Variants in TRA2A observed in about 807,000 individuals in gnomAD.
The protein encoded by TRA2A is transformer-2 protein homolog alpha.
In TRA2A, 31 loss-of-function variants were observed where a neutral mutation model predicts 45.7. The ratio of observed to expected loss-of-function variants is 0.68; its 90% CI spans 0.51 to 0.92. The LOEUF (loss-of-function observed/expected upper bound fraction) is 0.92. TRA2A is among the 40% of genes least tolerant of loss of function. The pLI is 0.00. For synonymous variants in TRA2A, 132 were observed against 126.2 expected, an observed-to-expected ratio of 1.05 and a Z score of -0.31; for missense variants, 304 against 367.5, an observed-to-expected ratio of 0.83 and a Z score of 1.41.
intron 1 of TRA2A, among the ~76,000 whole-genome samples, chr7:23,527,779 A>G (rs1289758851): frequency 3.3e-5 from 5 of 152,198 alleles, no homozygotes; most frequent in African/African-American, 1.2e-4. Context: ...ACAGATCTGT[A>G]AAATTAGTTA....
chr7:23,516,786 A>C (rs368299372), intron 2 of TRA2A, among the ~76,000 whole-genome samples: 7 of 152,142 alleles, frequency 4.6e-5, no homozygotes, highest in Admixed American at 1.3e-4. Flanking sequence ...ACAAAAAAAA[A>C]ACAAAAAACA....
intron 4 of TRA2A, among the ~76,000 whole-genome samples, chr7:23,510,796 A>G (rs1157258102): frequency 6.6e-6 from 1 of 152,216 alleles, no homozygotes; most frequent in Non-Finnish European, 1.5e-5. Flanking sequence ...GATAACATGT[A>G]TCTCTTAATT....
chr7:23,510,521 T>C (rs1789551050), intron 4 of TRA2A, among the ~76,000 whole-genome samples: 1 of 146,576 alleles, frequency 6.8e-6, no homozygotes, highest in Non-Finnish European at 1.5e-5. Context: ...GCAGATGGGG[T>C]TTCACCCTGT....
intron 1 of TRA2A, among the ~76,000 whole-genome samples, chr7:23,527,517 A>C (rs1790386806): frequency 6.6e-6 from 1 of 152,218 alleles, no homozygotes. Flanking sequence ...GCACCCACTG[A>C]TACTATCAAA....
chr7:23,526,458 A>G (rs1790344400), intron 1 of TRA2A, among the ~76,000 whole-genome samples: 1 of 152,188 alleles, frequency 6.6e-6, no homozygotes, highest in African/African-American at 2.4e-5. Context: ...TGCATTGAGG[A>G]AAATCACAAG....
At chr7:23,526,596 G>A (rs542557192) in intron 1 of TRA2A, among the ~76,000 whole-genome samples, 2 of 152,230 alleles carry the variant, frequency 1.3e-5, no homozygotes, top group Non-Finnish European at 2.9e-5. Context: ...CCTATAGAAA[G>A]AACAACAGTT....
At chr7:23,509,887 A>C (rs1789516343) in intron 4 of TRA2A, among the ~76,000 whole-genome samples, 3 of 150,434 alleles carry the variant, frequency 2.0e-5, no homozygotes, top group African/African-American at 4.9e-5. Flanking sequence ...TTAGCCGGGC[A>C]TGGTGGTGCG....
At position 23,507,407 on chromosome 7, in the gene TRA2A, C is replaced by G; in HGVS notation, c.641+13G>C. 6.2e-7 allele frequency: 1 copy of G among 1,600,622 alleles called. No individual in the cohort carries two copies. Among genetic ancestry groups the G allele is most frequent in the African/African-American group, 1.3e-5 (1 of 74,768 alleles). On this transcript the variant is annotated intron_variant, in intron 5 of 7. Coordinates refer to ENST00000297071, the MANE Select transcript of TRA2A (RefSeq NM_013293.5). Reference sequence around the variant, plus strand: ...GGATTTCATAGTTTAGCTTAGGAAACTTGAACTCTTACTGAGTTGGTCTGC... The same window carrying G: ...GGATTTCATAGTTTAGCTTAGGAAAGTTGAACTCTTACTGAGTTGGTCTGC...
chr7:23,521,607 T>C (rs1790139968), intron 2 of TRA2A, 100 bp downstream of exon 2: 1 of 1,349,522 alleles, frequency 7.4e-7, no homozygotes, highest in South Asian at 1.3e-5. Flanking sequence ...ACTATAATTT[T>C]GAGTCTTTCG....
At chr7:23,510,712 T>C (rs1158301327) in intron 4 of TRA2A, among the ~76,000 whole-genome samples, 1 of 152,066 alleles carries the variant, frequency 6.6e-6, no homozygotes, top group Non-Finnish European at 1.5e-5. Flanking sequence ...ATATTAATAA[T>C]AAAAAAATTA....
Position 23,512,880 on chromosome 7 carries a change from A to C in TRA2A, c.525+14T>G. 1 of 1,594,636 alleles carries C rather than the reference A, an allele frequency of 6.3e-7. No individual in the cohort carries two copies. The highest frequency in any genetic ancestry group is 8.6e-7 in the Non-Finnish European group (1 of 1,168,506). On this transcript the variant is annotated intron_variant, in intron 4 of 7. Transcript: ENST00000297071. ...ATTCAGTACTATAATCAGGCATATA[A>C]AAGACAAATTTACCTCCTTTGAGTC...
rs749476903 is a variant in TRA2A at position 23,505,721 on chromosome 7, T to C, written c.838+25A>G. On this transcript the variant is annotated intron_variant, in intron 7 of 7. Transcript: ENST00000297071. Reference sequence around the variant, plus strand: ...CATTAATTAGAAATGAGGTTTTTTATGCTACAAAAGTAAAGTTCACATACT... The same window carrying C: ...CATTAATTAGAAATGAGGTTTTTTACGCTACAAAAGTAAAGTTCACATACT... 5 of 1,486,876 alleles carry C rather than the reference T, an allele frequency of 3.4e-6. No homozygotes were observed. The African/African-American group carries it at 5.7e-5, about 17-fold the overall frequency. The allele number at this position is 1,486,876 out of a possible 1,614,324, so 92.1% of individuals were successfully genotyped here.
At chr7:23,526,409 T>A (rs1319185321) in intron 1 of TRA2A, among the ~76,000 whole-genome samples, 1 of 152,208 alleles carries the variant, frequency 6.6e-6, no homozygotes, top group East Asian at 1.9e-4. Flanking sequence ...TCCTGCTACT[T>A]TATGACACTG....
At chr7:23,508,927 A>T (rs1383254627) in intron 4 of TRA2A, among the ~76,000 whole-genome samples, 1 of 152,166 alleles carries the variant, frequency 6.6e-6, no homozygotes, top group African/African-American at 2.4e-5. Flanking sequence ...CTTGAAGATA[A>T]GAGTTGTCTC....
chr7:23,506,649 G>C (rs74915289), intron 5 of TRA2A, among the ~76,000 whole-genome samples: 2,619 of 152,210 alleles, frequency 0.017, 84 homozygotes, highest in African/African-American at 0.06. Flanking sequence ...GTATCCCTGT[G>C]ACTAAAAGGC....
At chr7:23,524,363 T>C (rs948189145) in intron 1 of TRA2A, among the ~76,000 whole-genome samples, 7 of 152,068 alleles carry the variant, frequency 4.6e-5, no homozygotes, top group Admixed American at 2.6e-4. Context: ...TTTGTATTTT[T>C]AATAGAGATG....
chr7:23,509,049 T>A (rs1440919483), intron 4 of TRA2A, among the ~76,000 whole-genome samples: 1 of 152,014 alleles, frequency 6.6e-6, no homozygotes, highest in African/African-American at 2.4e-5. Context: ...CTCCCTATGT[T>A]TCCCCAGGCT....
At chr7:23,524,880 T>C (rs1051152864) in intron 1 of TRA2A, among the ~76,000 whole-genome samples, 6 of 151,820 alleles carry the variant, frequency 4.0e-5, no homozygotes, top group East Asian at 1.9e-4. Flanking sequence ...TTAGTAGAGA[T>C]AGGGTTTCCC....
At chr7:23,507,568 A>G in intron 4 of TRA2A, 33 bp from the exon 5 acceptor site, 1 of 1,440,876 alleles carries the variant, frequency 6.9e-7, no homozygotes, top group Non-Finnish European at 9.8e-7. Flanking sequence ...GTCACGTATA[A>G]TTCACCAGTC....
Sources: allele counts gnomAD v4.1 joint callset (sites outside exome capture counted in the v4.1 genomes callset), GRCh38; gene constraint gnomAD v4.1.1; transcripts MANE v1.5; gene names NCBI Gene and HGNC (gene_info 2026-07-23, HGNC 2026-07-21).